FER1L6: variants seen among roughly 807,000 people sequenced by gnomAD.
The protein encoded by FER1L6 is fer-1 like family member 6.
In FER1L6, 177 loss-of-function variants were observed where a neutral mutation model predicts 219.2. The observed-to-expected ratio is 0.81, with a 90% CI of 0.71 to 0.91. The LOEUF is 0.91. Ranked by LOEUF, FER1L6 falls within the 40% of genes least tolerant of loss-of-function variation. The pLI is 0.00. For synonymous variants in FER1L6, 768 were observed against 824.3 expected, an observed-to-expected ratio of 0.93 and a Z score of 1.17; for missense variants, 2,153 against 2,259.9, an observed-to-expected ratio of 0.95 and a Z score of 0.96.
At chr8:124,008,721 C>T (rs889178349) in intron 13 of FER1L6, among the ~76,000 whole-genome samples, 24 of 152,236 alleles carry the variant, frequency 1.6e-4, no homozygotes, top group Admixed American at 9.8e-4. Context: ...AAAATCTTCA[C>T]AATCTATACA....
At chr8:124,048,518 T>C (rs1819837085) in intron 21 of FER1L6, among the ~76,000 whole-genome samples, 1 of 152,100 alleles carries the variant, frequency 6.6e-6, no homozygotes, top group African/African-American at 2.4e-5. Flanking sequence ...TCGCATCGCA[T>C]ACTTCTTATA....
At chr8:123,881,902 A>G (rs1255912325) in intron 1 of FER1L6, among the ~76,000 whole-genome samples, 1 of 152,208 alleles carries the variant, frequency 6.6e-6, no homozygotes, top group Non-Finnish European at 1.5e-5. Flanking sequence ...AAAGCTGCTA[A>G]GAATTTAGGG....
intron 1 of FER1L6, among the ~76,000 whole-genome samples, chr8:123,912,925 G>A (rs550386611): frequency 4.6e-5 from 7 of 152,292 alleles, no homozygotes; most frequent in East Asian, 1.9e-4. Flanking sequence ...TGGTCTGAGC[G>A]ATCTCGGAAG....
chr8:123,903,892 G>A (rs1812902508), intron 1 of FER1L6, among the ~76,000 whole-genome samples: 1 of 152,186 alleles, frequency 6.6e-6, no homozygotes, highest in Non-Finnish European at 1.5e-5. Context: ...AGAATCTCAT[G>A]TTCTCTGAGA....
chr8:124,035,231 A>T (rs374968623), intron 18 of FER1L6, 46 bp from the exon 19 acceptor site: 23 of 1,582,628 alleles, frequency 1.5e-5, no homozygotes, highest in African/African-American at 1.4e-4. Context: ...GAGGCCTATA[A>T]TTATCTCCTA....
At chr8:124,117,829 G>C (rs1823313385) in intron 39 of FER1L6, among the ~76,000 whole-genome samples, 1 of 152,154 alleles carries the variant, frequency 6.6e-6, no homozygotes, top group South Asian at 2.1e-4. Context: ...CAAGACCACT[G>C]CCTCAGCAGA....
Position 123,977,441 on chromosome 8 carries a change from T to A in FER1L6, c.895T>A (p.Cys299Ser). ...GGGGCGAACCACAGTGCAGAAGAAC[T>A]GTGCTGATCCTGTGTGGCATGAACA... Reference protein sequence around the residue: ...QMGRTTVQKNCADPVWHEQVI... With the variant: ...QMGRTTVQKNSADPVWHEQVI... Residue 299 changes from cysteine (C) to serine (S), a missense_variant, in exon 10 of 41, where the codon TGT becomes AGT. Transcript: ENST00000522917. 6.2e-7 allele frequency: 1 copy of A among 1,614,046 alleles called. No homozygotes were observed. The highest frequency in any genetic ancestry group is 8.5e-7 in the Non-Finnish European group (1 of 1,179,990).
chr8:123,893,621 C>T (rs1812689174), intron 1 of FER1L6, among the ~76,000 whole-genome samples: 1 of 152,154 alleles, frequency 6.6e-6, no homozygotes, highest in East Asian at 1.9e-4. Flanking sequence ...TATTTGCATA[C>T]ATTTAACCAA....
intron 39 of FER1L6, among the ~76,000 whole-genome samples, chr8:124,113,432 T>C (rs1823103071): frequency 6.6e-6 from 1 of 152,174 alleles, no homozygotes; most frequent in Non-Finnish European, 1.5e-5. Flanking sequence ...AGCATGCATC[T>C]CTCAGGAATA....
chr8:124,045,998 G>C lies in FER1L6; in HGVS notation c.2724+97G>C. On this transcript the variant is annotated intron_variant, in intron 21 of 40. Transcript: ENST00000522917. ...TTAAAGTAAATAAAGTCCTGACGCT[G>C]TGAGTGGTGAGAACACTAGATGTAC... 2.8e-6 allele frequency: 4 copies of C among 1,447,516 alleles called. No individual in the cohort carries two copies. The South Asian group carries it at 5.2e-5, about 19-fold the overall frequency. 89.7% of individuals were successfully genotyped at this position (1,447,516 alleles called of 1,614,324 possible). A position where few individuals can be genotyped will look rare whatever the true frequency, so the allele number is the denominator to read the frequency against.
chr8:124,064,220 G>T, intron 25 of FER1L6, 127 bp from the exon 26 acceptor site: 27 of 787,230 alleles, frequency 3.4e-5, no homozygotes, highest in Middle Eastern at 3.6e-4. Context: ...ATAAGAAAAT[G>T]AGGTTCAGAA....
intron 1 of FER1L6, among the ~76,000 whole-genome samples, chr8:123,913,803 G>T (rs2129780193): frequency 6.6e-6 from 1 of 151,208 alleles, no homozygotes; most frequent in African/African-American, 2.4e-5. Context: ...AAAGTGTTAT[G>T]AAATTATTCC....
intron 22 of FER1L6, among the ~76,000 whole-genome samples, chr8:124,051,645 G>C (rs1371974312): frequency 1.3e-5 from 2 of 152,176 alleles, no homozygotes; most frequent in African/African-American, 4.8e-5. Flanking sequence ...TGGATAGAAA[G>C]GTAATTACTT....
intron 1 of FER1L6, among the ~76,000 whole-genome samples, chr8:123,914,141 G>A (rs1240708776): frequency 6.6e-6 from 1 of 152,200 alleles, no homozygotes; most frequent in Non-Finnish European, 1.5e-5. Flanking sequence ...CAAATGTTCA[G>A]TAGTCACATA....
chr8:124,017,683 G>T lies in FER1L6; in HGVS notation c.1978G>T (p.Asp660Tyr). 1 of 1,613,808 alleles carries T rather than the reference G, an allele frequency of 6.2e-7. No homozygotes were observed. Among genetic ancestry groups the T allele is most frequent in the South Asian group, 1.1e-5 (1 of 91,070 alleles). The part of the protein sequence containing the change: ...KPKMLNQTTL[D>Y]KKRLTLCWQE... Reference sequence around the variant, plus strand: ...CAAGATGTTGAACCAAACCACTTTAGATAAGAAGCGACTTACGCTCTGCTG... The same window carrying T: ...CAAGATGTTGAACCAAACCACTTTATATAAGAAGCGACTTACGCTCTGCTG... The change falls in exon 16 of 41, where the codon GAT (aspartate) becomes TAT (tyrosine). Residue 660 changes from aspartate to tyrosine, a missense_variant. Physicochemically the swap from Asp to Tyr is radical, Grantham distance 160. Coordinates refer to ENST00000522917, the MANE Select transcript of FER1L6 (RefSeq NM_001039112.2).
chr8:124,011,248 T>A (rs1817906900), intron 14 of FER1L6, among the ~76,000 whole-genome samples: 1 of 152,154 alleles, frequency 6.6e-6, no homozygotes, highest in Non-Finnish European at 1.5e-5. Flanking sequence ...ACTTTTCCCC[T>A]CTCCAGTCTT....
intron 1 of FER1L6, among the ~76,000 whole-genome samples, chr8:123,872,122 CCACATACTTTAAA>C (rs1403128261): frequency 6.6e-6 from 1 of 152,022 alleles, no homozygotes; most frequent in African/African-American, 2.4e-5. Context: ...GAGTGAGGTG[CCACATACTTTAAA>C]CAACCATATC....
intron 1 of FER1L6, among the ~76,000 whole-genome samples, chr8:123,898,773 A>G (rs975959475): frequency 7.2e-6 from 1 of 138,086 alleles, no homozygotes; most frequent in African/African-American, 2.5e-5. Flanking sequence ...ATATATGTGT[A>G]TATATACGTA....
chr8:124,052,777 T>G (rs763461928), intron 22 of FER1L6, among the ~76,000 whole-genome samples: 1 of 151,894 alleles, frequency 6.6e-6, no homozygotes, highest in Non-Finnish European at 1.5e-5. Flanking sequence ...AGAGCAAGAC[T>G]CTGTCTCAAA....
Sources: allele counts gnomAD v4.1 joint callset (sites outside exome capture counted in the v4.1 genomes callset), GRCh38; gene constraint gnomAD v4.1.1; transcripts MANE v1.5; gene names NCBI Gene and HGNC (gene_info 2026-07-23, HGNC 2026-07-21).